CSE1L: variants seen among roughly 807,000 people sequenced by gnomAD.
CSE1L encodes chromosome segregation 1 like.
Under a neutral mutation model 120.4 loss-of-function variants are expected in CSE1L, and 24 were observed. That is an observed-to-expected ratio of 0.20 (90% CI 0.14 to 0.28). The LOEUF is 0.28. Ranked by LOEUF, CSE1L falls within the 10% of genes least tolerant of loss-of-function variation. CSE1L has a pLI of 1.00. For synonymous variants in CSE1L, 402 were observed against 398.3 expected, an observed-to-expected ratio of 1.01 and a Z score of -0.11; for missense variants, 830 against 1,145.2, an observed-to-expected ratio of 0.72 and a Z score of 3.97.
At chr20:49,084,902 T>G (rs780022616) in intron 15 of CSE1L, among the ~76,000 whole-genome samples, 9 of 152,164 alleles carry the variant, frequency 5.9e-5, no homozygotes, top group Non-Finnish European at 7.3e-5. Context: ...AGTACCTATC[T>G]TCAGGCCCAG....
At chr20:49,074,753 A>G (rs1395719742) in intron 10 of CSE1L, 32 bp from the exon 11 acceptor site, 5 of 1,581,112 alleles carry the variant, frequency 3.2e-6, no homozygotes, top group Non-Finnish European at 4.3e-6. Flanking sequence ...CGTCTTTTGG[A>G]GTGTTATCTG....
chr20:49,079,259 C>T (rs1467458310), intron 14 of CSE1L, among the ~76,000 whole-genome samples: 2 of 149,048 alleles, frequency 1.3e-5, no homozygotes. Context: ...ACGGATCTCA[C>T]TCTGTCACCC....
At chr20:49,080,247 T>G (rs571773843) in intron 14 of CSE1L, among the ~76,000 whole-genome samples, 111 of 149,568 alleles carry the variant, frequency 7.4e-4, no homozygotes, top group African/African-American at 2.4e-3. Flanking sequence ...TATCTGGTTG[T>G]TTTGTTTTTT....
chr20:49,085,922 T>C (rs1293414953), intron 16 of CSE1L, among the ~76,000 whole-genome samples: 1 of 152,074 alleles, frequency 6.6e-6, no homozygotes, highest in African/African-American at 2.4e-5. Flanking sequence ...GCAAAGCCCT[T>C]TTTTCCTTCC....
intron 1 of CSE1L, among the ~76,000 whole-genome samples, chr20:49,046,843 T>G (rs960769992): frequency 1.3e-5 from 2 of 152,214 alleles, no homozygotes; most frequent in Non-Finnish European, 2.9e-5. Flanking sequence ...CCGCGCGAGC[T>G]GAGTGTGCGG....
Position 49,096,524 on chromosome 20 carries a change from T to C in CSE1L, c.*86T>C. 9.5e-7 allele frequency: 1 copy of C among 1,053,842 alleles called. No individual in the cohort carries two copies. The highest frequency in any genetic ancestry group is 1.5e-6 in the Non-Finnish European group (1 of 684,336). 65.3% of individuals were successfully genotyped at this position (1,053,842 alleles called of 1,614,324 possible). A position where few individuals can be genotyped will look rare whatever the true frequency, so the allele number is the denominator to read the frequency against. The stretch of plus-strand genomic sequence containing the variant: ...CACAGCTGCATTAAAACAAAGGAAG[T>C]TCTCCTTTTGAACTTGTCACGAATT... On this transcript the variant is annotated 3_prime_UTR_variant, in exon 25 of 25. Transcript: ENST00000262982.
intron 14 of CSE1L, among the ~76,000 whole-genome samples, chr20:49,078,999 C>T (rs2091990015): frequency 6.6e-6 from 1 of 152,036 alleles, no homozygotes; most frequent in Non-Finnish European, 1.5e-5. Flanking sequence ...TCACGTGATT[C>T]TCCTGTCTCA....
chr20:49,071,669 G>A (rs546710685), intron 8 of CSE1L, among the ~76,000 whole-genome samples: 1 of 152,140 alleles, frequency 6.6e-6, no homozygotes, highest in South Asian at 2.1e-4. Flanking sequence ...TATTTTGGGG[G>A]CTTGCTGTGT....
chr20:49,066,338 G>T, intron 4 of CSE1L, 27 bp from the exon 5 acceptor site: 1 of 1,614,058 alleles, frequency 6.2e-7, no homozygotes, highest in Non-Finnish European at 8.5e-7. Context: ...GTAAAGCTCT[G>T]ATCTAATTAA....
chr20:49,062,509 A>T (rs560078650), intron 2 of CSE1L, among the ~76,000 whole-genome samples: 2 of 152,262 alleles, frequency 1.3e-5, no homozygotes, highest in African/African-American at 4.8e-5. Flanking sequence ...AATTTTTTGG[A>T]TAAATTCATT....
intron 14 of CSE1L, among the ~76,000 whole-genome samples, 177 bp downstream of exon 14, chr20:49,078,799 T>A (rs571074386): frequency 1.7e-4 from 26 of 152,340 alleles, no homozygotes; most frequent in African/African-American, 4.8e-4. Flanking sequence ...CTTTTTGCAA[T>A]AATAGTAATA....
rs968506560 is a variant in CSE1L, at chr20:49,094,853, T to C, written c.2716T>C (p.Leu906=). ...TPGYQTAFSQ[L]AFAGKKEHDP... Reference sequence around the variant, plus strand: ...AGGATATCAGACTGCCTTCTCACAGTTGGCATTTGCTGGGAAAAAAGAGCA... The same window carrying C: ...AGGATATCAGACTGCCTTCTCACAGCTGGCATTTGCTGGGAAAAAAGAGCA... The change falls in exon 24 of 25, where the codon TTG becomes CTG. Residue 906 remains leucine (L), a synonymous_variant. Coordinates refer to ENST00000262982, the MANE Select transcript of CSE1L (RefSeq NM_001316.4). 1.2e-6 allele frequency: 2 copies of C among 1,614,090 alleles called. No individual in the cohort carries two copies. Among genetic ancestry groups the C allele is most frequent in the Admixed American group, 1.7e-5 (1 of 60,014 alleles).
At chr20:49,058,362 G>C (rs753131955) in intron 1 of CSE1L, 91 bp from the exon 2 acceptor site, 39 of 862,060 alleles carry the variant, frequency 4.5e-5, no homozygotes, top group Non-Finnish European at 6.4e-5. Flanking sequence ...GACTTTCAGA[G>C]AGAATAACCC....
At chr20:49,076,860 T>A (rs2091972528) in intron 12 of CSE1L, 120 bp from the exon 13 acceptor site, 1 of 595,680 alleles carries the variant, frequency 1.7e-6, no homozygotes, top group Non-Finnish European at 2.9e-6. Context: ...CATAAGCAAT[T>A]TGTATTTTGA....
At chr20:49,096,028 T>C (rs1320555818) in intron 24 of CSE1L, 7 of 426,838 alleles carry the variant, frequency 1.6e-5, no homozygotes, top group Non-Finnish European at 3.0e-5. Flanking sequence ...TTTCTCCTTT[T>C]ATTCTCTGTA....
At chr20:49,071,282 A>G (rs2123706170) in intron 8 of CSE1L, among the ~76,000 whole-genome samples, 1 of 152,336 alleles carries the variant, frequency 6.6e-6, no homozygotes, top group Middle Eastern at 3.4e-3. Context: ...TGTAGCTCTC[A>G]TAAAATAATT....
chr20:49,091,748 T>C (rs2092103318), intron 21 of CSE1L, among the ~76,000 whole-genome samples: 1 of 152,196 alleles, frequency 6.6e-6, no homozygotes, highest in Non-Finnish European at 1.5e-5. Context: ...TTTAAGATGT[T>C]TGTGTTCTCC....
intron 13 of CSE1L, among the ~76,000 whole-genome samples, chr20:49,077,656 A>G (rs917850613): frequency 1.3e-5 from 2 of 152,210 alleles, no homozygotes; most frequent in Middle Eastern, 3.2e-3. Flanking sequence ...TATTTGAAAG[A>G]CGAATTCTTA....
intron 24 of CSE1L, chr20:49,096,148 A>G (rs2092138929): frequency 1.4e-6 from 1 of 699,878 alleles, no homozygotes; most frequent in Admixed American, 2.0e-5. Flanking sequence ...ACCTAATAAT[A>G]GTAATTCCTT....
Sources: allele counts gnomAD v4.1 joint callset (sites outside exome capture counted in the v4.1 genomes callset), GRCh38; gene constraint gnomAD v4.1.1; transcripts MANE v1.5; gene names NCBI Gene and HGNC (gene_info 2026-07-23, HGNC 2026-07-21).